LATS1: variants seen among roughly 807,000 people sequenced by gnomAD.
LATS1 encodes the protein large tumor suppressor kinase 1.
In LATS1, 25 loss-of-function variants were observed where a neutral mutation model predicts 106.6. The ratio of observed to expected loss-of-function variants is 0.23; its 90% CI spans 0.17 to 0.33. LATS1 has a LOEUF of 0.33. LATS1 is among the 10% of genes least tolerant of loss of function. The pLI is 1.00. For synonymous variants in LATS1, 465 were observed against 455.6 expected, an observed-to-expected ratio of 1.02 and a Z score of -0.26; for missense variants, 1,040 against 1,382.6, an observed-to-expected ratio of 0.75 and a Z score of 3.93.
At chr6:149,680,768 A>T (rs1252448507) in intron 4 of LATS1, among the ~76,000 whole-genome samples, 1 of 149,026 alleles carries the variant, frequency 6.7e-6, no homozygotes, top group African/African-American at 2.5e-5. Context: ...AAAGGTTCTC[A>T]ATGTGCAACA....
intron 3 of LATS1, among the ~76,000 whole-genome samples, chr6:149,693,609 C>T (rs1022546236): frequency 2.6e-5 from 3 of 117,430 alleles, no homozygotes; most frequent in African/African-American, 9.5e-5. Flanking sequence ...GACTCCATCT[C>T]AAAAACAAAC....
rs1304233502 is a variant in LATS1 at position 149,695,171 on chromosome 6, T to G, written c.399A>C (p.Ala133=). The change falls in exon 3 of 8, where the codon GCA becomes GCC. Residue 133 remains alanine (A), a synonymous_variant. Coordinates refer to ENST00000543571, the MANE Select transcript of LATS1 (RefSeq NM_004690.4). ...LQKTNNRSIE[A]AIEFISKMSY... is the part of the protein sequence containing the mutation. The stretch of plus-strand genomic sequence containing the variant: ...TCATTTTACTAATGAATTCAATTGC[T>G]GCTTCTATACTTCTGTTGTTAGTTT... 1.2e-6 allele frequency: 2 copies of G among 1,611,460 alleles called. No individual in the cohort carries two copies. The highest frequency in any genetic ancestry group is 4.5e-5 in the East Asian group (2 of 44,830).
intron 5 of LATS1, among the ~76,000 whole-genome samples, chr6:149,679,178 G>A (rs553808835): frequency 1.3e-5 from 2 of 152,260 alleles, no homozygotes; most frequent in South Asian, 4.2e-4. Context: ...GGAAGTGATT[G>A]TTTAAGGGCT....
At chr6:149,668,603 C>T (rs1781285178) in intron 7 of LATS1, among the ~76,000 whole-genome samples, 2 of 132,162 alleles carry the variant, frequency 1.5e-5, no homozygotes, top group Non-Finnish European at 3.1e-5. Context: ...CCACCATGCC[C>T]AGCTATTTTT....
rs533665940 is a variant in LATS1, at chr6:149,659,865, T to C, written c.*1864A>G. Reference sequence around the variant, plus strand: ...CTTCAGAAATATTTCTGTATCAAGCTTGTAATGAGCCTAACATTTCAGTCC... The same window carrying C: ...CTTCAGAAATATTTCTGTATCAAGCCTGTAATGAGCCTAACATTTCAGTCC... On this transcript the variant is annotated 3_prime_UTR_variant, in exon 8 of 8. Coordinates refer to ENST00000543571, the MANE Select transcript of LATS1 (RefSeq NM_004690.4). 4.4e-6 allele frequency: 1 copy of C among 227,398 alleles called. No homozygotes were observed. Among genetic ancestry groups the C allele is most frequent in the Non-Finnish European group, 8.7e-6 (1 of 114,498 alleles). 14.1% of individuals were successfully genotyped at this position (227,398 alleles called of 1,614,324 possible). A position where few individuals can be genotyped will look rare whatever the true frequency, so the allele number is the denominator to read the frequency against.
Position 149,676,675 on chromosome 6 carries a change from G to A in LATS1, c.2656C>T (p.Arg886Ter), listed in dbSNP as rs1481274477. The A allele has an allele frequency of 1.9e-6, 3 of 1,614,020 alleles. No homozygotes were observed. Among genetic ancestry groups the A allele is most frequent in the East Asian group, 2.2e-5 (1 of 44,884 alleles). The change falls in exon 6 of 8, where the codon CGA becomes TGA. Residue 886 changes from arginine to a stop codon, truncating the protein, a stop_gained. Coordinates refer to ENST00000543571, the MANE Select transcript of LATS1 (RefSeq NM_004690.4). LOFTEE classifies it high-confidence loss of function. ...AATGGCTTCAGTCTGTCTCCACATC[G>A]ACAGCTTGAGGGATCCCCCCATTCA... is the stretch of plus-strand genomic sequence containing the variant. ...SNEWGDPSSC[R>*]CGDRLKPLER...
At chr6:149,673,091 CTTTTCTTTTT>C (rs1781529418) in intron 7 of LATS1, among the ~76,000 whole-genome samples, 1 of 128,852 alleles carries the variant, frequency 7.8e-6, no homozygotes, top group Non-Finnish European at 1.6e-5. Context: ...CTTTTCTTTT[CTTTTCTTTTT>C]TTTTTTTTTT....
At chr6:149,676,145 C>T (rs1289880284) in intron 7 of LATS1, 115 bp downstream of exon 7, 5 of 729,486 alleles carry the variant, frequency 6.9e-6, no homozygotes, top group East Asian at 2.7e-5. Flanking sequence ...AGCCACTGCA[C>T]CCGGCCCAAG....
intron 6 of LATS1, 94 bp downstream of exon 6, chr6:149,676,461 C>T (rs957939428): frequency 1.5e-6 from 2 of 1,377,904 alleles, no homozygotes; most frequent in Non-Finnish European, 2.0e-6. Flanking sequence ...AAAATTAATA[C>T]TTTTATTATA....
intron 7 of LATS1, among the ~76,000 whole-genome samples, chr6:149,670,858 A>G (rs1200855572): frequency 1.3e-5 from 2 of 151,514 alleles, no homozygotes; most frequent in Non-Finnish European, 2.9e-5. Context: ...ATTTGTAAAT[A>G]TTTTCTCCCA....
At chr6:149,687,127 G>A (rs577428383) in intron 3 of LATS1, among the ~76,000 whole-genome samples, 1 of 148,164 alleles carries the variant, frequency 6.7e-6, no homozygotes, top group Admixed American at 6.8e-5. Flanking sequence ...GACTTGCTCT[G>A]TCGCCCAGGC....
chr6:149,667,070 A>G (rs1296949349), intron 7 of LATS1, among the ~76,000 whole-genome samples: 1 of 152,162 alleles, frequency 6.6e-6, no homozygotes, highest in African/African-American at 2.4e-5. Flanking sequence ...AACCAAAATA[A>G]AAAACTCAAT....
In LATS1 at chr6:149,683,419, G is replaced by A. The variant is rs779906971; in HGVS notation, c.1670C>T (p.Pro557Leu). The change falls in exon 4 of 8, where the codon CCA (proline) becomes CTA (leucine). Residue 557 changes from proline (P) to leucine (L), a missense_variant. By Grantham distance (98) the Pro-to-Leu change is moderately conservative (BLOSUM62 -3). Around this residue, in one of 7 missense-constraint regions of LATS1, gnomAD observed 624 missense variants for 714.8 expected, o/e 0.87. Transcript: ENST00000543571. ...GTGCAGCAGATGTTTTGGGTAGGGT[G>A]GTGGTGGTCCTTGATAGTTTGGAGC... ...AEAPNYQGPPPPYPKHLLHQN... is the reference protein window; with the variant it reads ...AEAPNYQGPPLPYPKHLLHQN... The A allele has an allele frequency of 1.9e-6, 3 of 1,614,164 alleles. No homozygotes were observed. Among genetic ancestry groups the A allele is most frequent in the Non-Finnish European group, 2.5e-6 (3 of 1,180,034 alleles).
At chr6:149,712,819 C>T (rs2115023413) in intron 1 of LATS1, among the ~76,000 whole-genome samples, 1 of 152,014 alleles carries the variant, frequency 6.6e-6, no homozygotes, top group East Asian at 1.9e-4. Flanking sequence ...CAAAGTGAGA[C>T]CCTAACTCTA....
chr6:149,664,850 C>G (rs1781060619), intron 7 of LATS1, among the ~76,000 whole-genome samples: 1 of 152,172 alleles, frequency 6.6e-6, no homozygotes, highest in African/African-American at 2.4e-5. Context: ...CCAGCACACC[C>G]AGCTCCATTT....
chr6:149,678,099 T>C (rs1302306773), intron 5 of LATS1, among the ~76,000 whole-genome samples: 7 of 122,128 alleles, frequency 5.7e-5, no homozygotes, highest in African/African-American at 2.3e-4. Flanking sequence ...GGCAGGCAAA[T>C]CATGAGGTCA....
intron 3 of LATS1, among the ~76,000 whole-genome samples, chr6:149,685,613 C>T (rs755457855): frequency 5.3e-5 from 8 of 152,030 alleles, no homozygotes; most frequent in Non-Finnish European, 7.4e-5. Context: ...CTTAAACTCC[C>T]GACCTCAAGT....
At chr6:149,678,194 A>AAAAC (rs1781836614) in intron 5 of LATS1, among the ~76,000 whole-genome samples, 1 of 145,398 alleles carries the variant, frequency 6.9e-6, no homozygotes, top group Non-Finnish European at 1.5e-5. Context: ...AAAAAAAAAA[A>AAAAC]ATAGCCGGGC....
chr6:149,697,017 T>C (rs771312129), intron 2 of LATS1: 112 of 589,300 alleles, frequency 1.9e-4, no homozygotes, highest in Middle Eastern at 3.0e-4. Flanking sequence ...TTATGTTTTA[T>C]ATAAACATAA....
Sources: gnomAD v4.1 joint callset for allele counts (sites outside exome capture counted in the v4.1 genomes callset) on GRCh38, gnomAD v4.1.1 for gene constraint, gnomAD v4.1.1 regional missense constraint, MANE v1.5 for transcripts, NCBI Gene and HGNC (gene_info 2026-07-23, HGNC 2026-07-21) for gene names.